HECW1: variants seen among roughly 807,000 people sequenced by gnomAD.
HECW1 encodes HECT, C2 and WW domain containing E3 ubiquitin protein ligase 1.
A neutral mutation model predicts 182.3 loss-of-function variants in HECW1; 61 were observed. The ratio of observed to expected loss-of-function variants is 0.33; its 90% CI spans 0.27 to 0.41. The LOEUF (loss-of-function observed/expected upper bound fraction) is 0.41, where lower values mean the gene tolerates loss of function less well. Ranked by LOEUF, HECW1 falls within the 10% of genes least tolerant of loss-of-function variation. HECW1 has a pLI of 1.00. For synonymous variants in HECW1, 859 were observed against 832.6 expected, an observed-to-expected ratio of 1.03 and a Z score of -0.55; for missense variants, 1,739 against 2,108.9, an observed-to-expected ratio of 0.82 and a Z score of 3.44.
chr7:43,184,311 A>G (rs1793163740), intron 2 of HECW1, among the ~76,000 whole-genome samples: 1 of 152,192 alleles, frequency 6.6e-6, no homozygotes, highest in Non-Finnish European at 1.5e-5. Flanking sequence ...CCGCCCTGCC[A>G]ATTCTTACAT....
chr7:43,180,404 T>A (rs938670077), intron 2 of HECW1, among the ~76,000 whole-genome samples: 12 of 151,118 alleles, frequency 7.9e-5, no homozygotes, highest in Admixed American at 6.6e-4. Context: ...TTTGTATTTT[T>A]ATTTTTTTTG....
chr7:43,354,534 C>T (rs995944276), intron 5 of HECW1, among the ~76,000 whole-genome samples: 11 of 152,048 alleles, frequency 7.2e-5, no homozygotes, highest in Middle Eastern at 3.2e-3. Context: ...ATTTATTACA[C>T]GTTCTCAACA....
intron 8 of HECW1, among the ~76,000 whole-genome samples, chr7:43,409,431 C>A (rs1454608564): frequency 6.6e-6 from 1 of 152,152 alleles, no homozygotes; most frequent in African/African-American, 2.4e-5. Flanking sequence ...TTTAGAGGAA[C>A]CTGTTCTAAG....
At chr7:43,124,858 TACAATAC>T (rs752527648) in intron 2 of HECW1, among the ~76,000 whole-genome samples, 103 of 152,230 alleles carry the variant, frequency 6.8e-4, no homozygotes, top group Non-Finnish European at 1.2e-3. Context: ...TTAATGATTT[TACAATAC>T]TCAGTGGGCC....
chr7:43,217,138 A>G (rs562251637), intron 2 of HECW1, among the ~76,000 whole-genome samples: 36 of 149,762 alleles, frequency 2.4e-4, no homozygotes, highest in Admixed American at 1.3e-3. Flanking sequence ...AATGACAGCA[A>G]CTTATTACCG....
chr7:43,239,403 GC>G (rs1798669266), intron 2 of HECW1, among the ~76,000 whole-genome samples: 1 of 152,186 alleles, frequency 6.6e-6, no homozygotes, highest in Admixed American at 6.5e-5. Flanking sequence ...GCACACACAG[GC>G]TTTCCCTTCC....
rs142225487 is a variant in HECW1, at chr7:43,208,137, A to G, written c.-31-35738A>G. Among the ~76,000 whole-genome samples the G allele has an allele frequency of 1.1e-3, 173 of 152,134 alleles. 1 individual carries two copies. Among genetic ancestry groups the G allele is most frequent in the African/African-American group, 4.0e-3 (164 of 41,496 alleles). The stretch of plus-strand genomic sequence containing the variant: ...ATGGACATTTTCATTTCTCTTCCCT[A>G]TTATTGAAACCCTCATATTTTCCAG... On this transcript the variant is annotated intron_variant, in intron 2 of 29. Coordinates refer to ENST00000395891, the MANE Select transcript of HECW1 (RefSeq NM_015052.5).
intron 12 of HECW1, among the ~76,000 whole-genome samples, chr7:43,454,082 T>C (rs56125132): frequency 6.6e-6 from 1 of 152,102 alleles, no homozygotes; most frequent in South Asian, 2.1e-4. Context: ...AATTGAAACA[T>C]GTGATGATAA....
chr7:43,491,935 G>A, intron 17 of HECW1, 140 bp from the exon 18 acceptor site: 1 of 632,418 alleles, frequency 1.6e-6, no homozygotes, highest in Non-Finnish European at 2.8e-6. Flanking sequence ...ACTTTTGTAA[G>A]CTTTCTTTTC....
intron 2 of HECW1, among the ~76,000 whole-genome samples, chr7:43,221,537 G>GTGTT (rs1796945783): frequency 2.0e-5 from 1 of 50,500 alleles, no homozygotes; most frequent in Non-Finnish European, 3.4e-5. Context: ...GAGGAATTAG[G>GTGTT]TTTTTTTTTT....
At chr7:43,271,675 A>G (rs1204819291) in intron 3 of HECW1, among the ~76,000 whole-genome samples, 2 of 152,214 alleles carry the variant, frequency 1.3e-5, no homozygotes, top group Non-Finnish European at 2.9e-5. Context: ...GAGAACTACA[A>G]AACACTGATA....
chr7:43,515,014 T>C (rs1026753709), intron 24 of HECW1, among the ~76,000 whole-genome samples: 3 of 152,178 alleles, frequency 2.0e-5, no homozygotes, highest in Non-Finnish European at 4.4e-5. Flanking sequence ...TAAAATACAA[T>C]GTGACCAATG....
chr7:43,406,802 C>T (rs2075625483), intron 7 of HECW1, among the ~76,000 whole-genome samples: 1 of 152,088 alleles, frequency 6.6e-6, no homozygotes, highest in African/African-American at 2.4e-5. Context: ...CTTGTAATCC[C>T]AGCTACTCGA....
At chr7:43,176,757 C>G (rs1442875508) in intron 2 of HECW1, among the ~76,000 whole-genome samples, 4 of 152,206 alleles carry the variant, frequency 2.6e-5, no homozygotes, top group Non-Finnish European at 5.9e-5. Flanking sequence ...GCATGGCGGA[C>G]TAAGTTTCCA....
intron 2 of HECW1, among the ~76,000 whole-genome samples, chr7:43,115,079 G>C (rs1039428515): frequency 1.3e-5 from 2 of 152,218 alleles, no homozygotes; most frequent in African/African-American, 2.4e-5. Flanking sequence ...GGACTGGCTG[G>C]TTTCTATCGT....
rs566896389 is a variant in HECW1, at chr7:43,123,603, TG to T, written c.-32+9214del. Among the ~76,000 whole-genome samples the T allele has an allele frequency of 1.6e-3, 237 of 152,334 alleles. 1 individual carries two copies. The highest frequency in any genetic ancestry group is 5.5e-3 in the African/African-American group (227 of 41,580). On this transcript the variant is annotated intron_variant, in intron 2 of 29. Transcript: ENST00000395891. ...CTTTGCCCATTCTGAGGTTCAGATTTGGCCTGAAAGTCAAGTTTCTGTGGTT... is the reference window on the plus strand; with the variant it reads ...CTTTGCCCATTCTGAGGTTCAGATTTGCCTGAAAGTCAAGTTTCTGTGGTT...
At chr7:43,220,234 G>A (rs1216741596) in intron 2 of HECW1, among the ~76,000 whole-genome samples, 2 of 152,204 alleles carry the variant, frequency 1.3e-5, no homozygotes. Context: ...CCTGCCAAAA[G>A]AAGAGCTGCA....
At chr7:43,213,270 T>C (rs1796152548) in intron 2 of HECW1, among the ~76,000 whole-genome samples, 1 of 152,060 alleles carries the variant, frequency 6.6e-6, no homozygotes, top group Non-Finnish European at 1.5e-5. Flanking sequence ...ATTGAGTTAT[T>C]GACTTGTAAA....
At chr7:43,357,274 C>A (rs1357591094) in intron 5 of HECW1, among the ~76,000 whole-genome samples, 1 of 152,118 alleles carries the variant, frequency 6.6e-6, no homozygotes, top group African/African-American at 2.4e-5. Context: ...ACCTGCACTC[C>A]CATGTTGATT....
Sources: gnomAD v4.1 joint callset for allele counts (sites outside exome capture counted in the v4.1 genomes callset) on GRCh38, gnomAD v4.1.1 for gene constraint, MANE v1.5 for transcripts, NCBI Gene and HGNC (gene_info 2026-07-23, HGNC 2026-07-21) for gene names.